SORCS3: variants seen among roughly 807,000 people sequenced by gnomAD.
The protein encoded by SORCS3 is sortilin related VPS10 domain containing receptor 3.
In SORCS3, 57 loss-of-function variants were observed where a neutral mutation model predicts 146.3. The observed-to-expected ratio is 0.39, with a 90% CI of 0.31 to 0.49. The LOEUF is 0.49. SORCS3 is among the 20% of genes least tolerant of loss of function. The pLI, the probability that SORCS3 is intolerant of heterozygous loss-of-function variation, is 0.92. For synonymous variants in SORCS3, 653 were observed against 618.5 expected (o/e 1.06, Z -0.83); for missense variants, 1,341 against 1,575.5 (o/e 0.85, Z 2.52).
chr10:105,184,347 A>G (rs540890494), intron 14 of SORCS3, among the ~76,000 whole-genome samples: 67 of 152,220 alleles, frequency 4.4e-4, no homozygotes, highest in Non-Finnish European at 8.7e-4. Flanking sequence ...CATAAAATAT[A>G]ATTCTTCACT....
intron 4 of SORCS3, among the ~76,000 whole-genome samples, chr10:105,035,659 G>C (rs1250422791): frequency 6.6e-6 from 1 of 151,906 alleles, no homozygotes; most frequent in Non-Finnish European, 1.5e-5. Flanking sequence ...GTAGAGACGG[G>C]GTTTCACCAT....
chr10:105,068,745 T>C (rs2055537829), intron 5 of SORCS3, among the ~76,000 whole-genome samples: 1 of 152,190 alleles, frequency 6.6e-6, no homozygotes, highest in Non-Finnish European at 1.5e-5. Flanking sequence ...TTTTTGAAAA[T>C]TTGAGGCAAT....
chr10:104,662,613 G>A (rs1042998567), intron 1 of SORCS3, among the ~76,000 whole-genome samples: 3 of 152,206 alleles, frequency 2.0e-5, no homozygotes, highest in African/African-American at 7.2e-5. Flanking sequence ...CTGACCCCAT[G>A]AGGGCTAAGA....
At chr10:104,854,790 A>T (rs1489564166) in intron 2 of SORCS3, among the ~76,000 whole-genome samples, 1 of 152,172 alleles carries the variant, frequency 6.6e-6, no homozygotes, top group Admixed American at 6.5e-5. Context: ...TTATTTCAAA[A>T]ATGTTATAGG....
At chr10:105,240,301 G>A (rs986003611) in intron 20 of SORCS3, among the ~76,000 whole-genome samples, 1 of 152,214 alleles carries the variant, frequency 6.6e-6, no homozygotes, top group Non-Finnish European at 1.5e-5. Context: ...GCTACTGAGA[G>A]CTGAAGAAGA....
chr10:104,772,752 A>G (rs1023795797), intron 1 of SORCS3, among the ~76,000 whole-genome samples: 1 of 151,910 alleles, frequency 6.6e-6, no homozygotes, highest in Non-Finnish European at 1.5e-5. Context: ...GTCCTTGAAG[A>G]CTCAGATTCT....
intron 2 of SORCS3, among the ~76,000 whole-genome samples, chr10:104,865,152 G>A (rs964853141): frequency 6.6e-6 from 1 of 152,150 alleles, no homozygotes; most frequent in Non-Finnish European, 1.5e-5. Flanking sequence ...GATTTATTGA[G>A]AGAAGGGATT....
rs1271013449 is a variant in SORCS3 at position 104,641,948 on chromosome 10, C to T, written c.621C>T (p.Asn207=). 1 of 1,561,136 alleles carries T rather than the reference C, an allele frequency of 6.4e-7. No homozygotes were observed. Among genetic ancestry groups the T allele is most frequent in the Non-Finnish European group, 8.6e-7 (1 of 1,160,802 alleles). The part of the protein sequence containing the change: ...NQAMVHWSGH[N]SSVILILTKL... ...CCATGGTGCACTGGTCGGGACACAA[C>T]AGCAGCGTGAGTACCCACCCGGCGG... Residue 207 remains asparagine (N), a synonymous_variant, in exon 1 of 27, where the codon AAC becomes AAT. Coordinates refer to ENST00000369701, the MANE Select transcript of SORCS3 (RefSeq NM_014978.3). The surrounding 1 kb of genome is among the most constrained non-coding windows in gnomAD (Gnocchi z 6.4).
intron 1 of SORCS3, among the ~76,000 whole-genome samples, chr10:104,643,131 G>C (rs927879843): frequency 6.6e-6 from 1 of 152,214 alleles, no homozygotes; most frequent in Non-Finnish European, 1.5e-5. Flanking sequence ...CTGGCGTTGG[G>C]TAGGGTGCAC....
chr10:105,222,108 G>T (rs569324305), intron 19 of SORCS3, among the ~76,000 whole-genome samples: 3 of 142,142 alleles, frequency 2.1e-5, no homozygotes, highest in African/African-American at 7.9e-5. Flanking sequence ...GCCCAGGCTG[G>T]AGTGCAATGG....
chr10:105,007,437 A>G (rs1004704832), intron 4 of SORCS3, among the ~76,000 whole-genome samples: 1 of 152,196 alleles, frequency 6.6e-6, no homozygotes, highest in African/African-American at 2.4e-5. Flanking sequence ...ATAACAAGAT[A>G]CCATTGTTAT....
intron 3 of SORCS3, among the ~76,000 whole-genome samples, chr10:104,973,439 G>C (rs1268741646): frequency 6.6e-6 from 1 of 152,038 alleles, no homozygotes; most frequent in Non-Finnish European, 1.5e-5. Flanking sequence ...TGTATGTGTT[G>C]AGGAATTTAT....
At position 105,252,799 on chromosome 10, in the gene SORCS3, A is replaced by C; in HGVS notation, c.3130A>C (p.Ile1044Leu). ...VKVTSVPEDQ[I>L]LIAVFPGLPT... is the part of the protein sequence containing the mutation. ...GGTAACCAGTGTCCCAGAGGACCAG[A>C]TCCTCATTGCCGTGTTTCCTGGTCT... The change falls in exon 23 of 27, where the codon ATC becomes CTC. Residue 1044 changes from isoleucine (I) to leucine (L), a missense_variant. Ile to Leu is a conservative substitution (Grantham distance 5). Transcript: ENST00000369701. 6.2e-7 allele frequency: 1 copy of C among 1,614,014 alleles called. No homozygotes were observed. The highest frequency in any genetic ancestry group is 8.5e-7 in the Non-Finnish European group (1 of 1,179,974).
chr10:105,137,061 G>A (rs1385064371), intron 7 of SORCS3, among the ~76,000 whole-genome samples: 3 of 152,072 alleles, frequency 2.0e-5, no homozygotes, highest in Non-Finnish European at 4.4e-5. Flanking sequence ...GGCCGTTGGT[G>A]ACTTGGAAAC....
intron 11 of SORCS3, among the ~76,000 whole-genome samples, chr10:105,161,809 C>T (rs562756474): frequency 2.6e-5 from 4 of 152,224 alleles, no homozygotes; most frequent in African/African-American, 9.6e-5. Flanking sequence ...CAGGTGGAAA[C>T]AGGTGTCATG....
At chr10:104,666,847 T>A (rs1411216078) in intron 1 of SORCS3, among the ~76,000 whole-genome samples, 1 of 152,130 alleles carries the variant, frequency 6.6e-6, no homozygotes, top group Non-Finnish European at 1.5e-5. Context: ...TATATGCATT[T>A]CTTATTTCAT....
At chr10:104,897,762 T>C (rs2018814105) in intron 2 of SORCS3, among the ~76,000 whole-genome samples, 1 of 152,114 alleles carries the variant, frequency 6.6e-6, no homozygotes, top group South Asian at 2.1e-4. Flanking sequence ...AGTGAAGCAG[T>C]TGTTGGGTGG....
chr10:104,940,238 A>ATATATATATATATATATATATATATTT (rs1435205868), intron 3 of SORCS3, among the ~76,000 whole-genome samples: 1 of 31,504 alleles, frequency 3.2e-5, no homozygotes, highest in Non-Finnish European at 6.1e-5. Context: ...ATATATATAT[A>ATATATATATATATATATATATATATTT]TTTTTTTTTT....
At chr10:105,228,638 A>G (rs1206914515) in intron 20 of SORCS3, among the ~76,000 whole-genome samples, 1 of 152,124 alleles carries the variant, frequency 6.6e-6, no homozygotes, top group African/African-American at 2.4e-5. Context: ...CTTGGTTGAC[A>G]GTATTTTCCT....
Sources: allele counts gnomAD v4.1 joint callset (sites outside exome capture counted in the v4.1 genomes callset), GRCh38; gene constraint gnomAD v4.1.1; non-coding constraint Gnocchi (gnomAD v3.1); transcripts MANE v1.5; gene names NCBI Gene and HGNC (gene_info 2026-07-23, HGNC 2026-07-21).